PIK3R1: variants seen among roughly 807,000 people sequenced by gnomAD.
PIK3R1 encodes phosphatidylinositol 3-kinase regulatory subunit alpha.
PIK3R1 carries 29 observed loss-of-function variants against 98.0 expected under a neutral mutation model. That is an observed-to-expected ratio of 0.30 (90% confidence interval 0.22 to 0.40). The LOEUF is 0.40. Among genes scored for constraint, PIK3R1 ranks in the 10% least tolerant of loss-of-function variants. The pLI is 1.00. For synonymous variants in PIK3R1, 282 were observed against 311.8 expected (o/e 0.90, Z 1.01); for missense variants, 596 against 872.7 (o/e 0.68, Z 3.99).
intron 2 of PIK3R1, among the ~76,000 whole-genome samples, chr5:68,231,053 A>C (rs1580178372): frequency 6.6e-6 from 1 of 152,160 alleles, no homozygotes; most frequent in African/African-American, 2.4e-5. Context: ...TCTCTTGTAC[A>C]CAACGAAATG....
intron 2 of PIK3R1, among the ~76,000 whole-genome samples, chr5:68,256,519 C>G (rs755233308): frequency 6.6e-6 from 1 of 152,118 alleles, no homozygotes; most frequent in Non-Finnish European, 1.5e-5. Context: ...TGTGAGCCAC[C>G]GCACCCAGCA....
chr5:68,299,873 C>T lies in PIK3R1; in HGVS notation c.*2272C>T. On this transcript the variant is annotated 3_prime_UTR_variant, in exon 16 of 16. Transcript: ENST00000521381. Reference sequence around the variant, plus strand: ...TTGACTCTACTGATCTGACCATTTCCCTCTCATCGCCAGACAACTGACGAT... The same window carrying T: ...TTGACTCTACTGATCTGACCATTTCTCTCTCATCGCCAGACAACTGACGAT... The T allele has an allele frequency of 4.3e-6, 1 of 233,156 alleles. No individual in the cohort carries two copies. Among genetic ancestry groups the T allele is most frequent in the Non-Finnish European group, 8.5e-6 (1 of 118,004 alleles). 14.4% of individuals were successfully genotyped at this position (233,156 alleles called of 1,614,324 possible).
Position 68,293,473 on chromosome 5 carries a change from A to G in PIK3R1, c.1289A>G (p.Lys430Arg), listed in dbSNP as rs188617536. 16 of 1,606,460 alleles carry G rather than the reference A, an allele frequency of 1.0e-5. No homozygotes were observed. Among genetic ancestry groups the G allele is most frequent in the African/African-American group, 8.0e-5 (6 of 74,800 alleles). Residue 430 changes from lysine to arginine, a missense_variant, in exon 10 of 16, where the codon AAA becomes AGA. Lys to Arg is a conservative substitution (Grantham distance 26). Transcript: ENST00000521381. Reference sequence around the variant, plus strand: ...GTGAAATTACTTTATCCAGTATCCAAATACCAACAGGTAATAAAAACTGAA... The same window carrying G: ...GTGAAATTACTTTATCCAGTATCCAGATACCAACAGGTAATAAAAACTGAA... ...LDVKLLYPVS[K>R]YQQDQVVKED...
At chr5:68,263,240 GAA>G (rs34893631) in intron 2 of PIK3R1, among the ~76,000 whole-genome samples, 12,737 of 131,218 alleles carry the variant, frequency 0.097, 913 homozygotes, top group South Asian at 0.16. Context: ...TATATATGTA[GAA>G]ATATATATAT....
In PIK3R1 at chr5:68,299,010, G is replaced by A. The variant is rs538072200; in HGVS notation, c.*1409G>A. On this transcript the variant is annotated 3_prime_UTR_variant, in exon 16 of 16. Coordinates refer to ENST00000521381, the MANE Select transcript of PIK3R1 (RefSeq NM_181523.3). ...TTCTACTTCAGTCTTCTCTCACTTT[G>A]ATTTGCTAGTTGTTATCAATTAATG... 25 of 233,402 alleles carry A rather than the reference G, an allele frequency of 1.1e-4. No homozygotes were observed. Among genetic ancestry groups the A allele is most frequent in the Non-Finnish European group, 2.0e-4 (23 of 117,940 alleles). The allele number at this position is 233,402 out of a possible 1,614,324, so 14.5% of individuals were successfully genotyped here. A position where few individuals can be genotyped will look rare whatever the true frequency, so the allele number is the denominator to read the frequency against.
rs7722222 is a variant in PIK3R1, at chr5:68,299,957, T to C, written c.*2356T>C. Reference sequence around the variant, plus strand: ...GTTATTGTGATATCCTTCTAGATCATACACAAGTCTAACAGTTAATTAGTT... The same window carrying C: ...GTTATTGTGATATCCTTCTAGATCACACACAAGTCTAACAGTTAATTAGTT... On this transcript the variant is annotated 3_prime_UTR_variant, in exon 16 of 16. Coordinates refer to ENST00000521381, the MANE Select transcript of PIK3R1 (RefSeq NM_181523.3). 8,120 of 233,210 alleles carry C rather than the reference T, an allele frequency of 0.035. 626 individuals carry two copies. The highest frequency in any genetic ancestry group is 0.16 in the African/African-American group (7,435 of 45,436). The allele number at this position is 233,210 out of a possible 1,614,324, so 14.4% of individuals were successfully genotyped here.
intron 2 of PIK3R1, among the ~76,000 whole-genome samples, chr5:68,232,629 A>C (rs1357894891): frequency 3.3e-5 from 5 of 152,246 alleles, no homozygotes; most frequent in African/African-American, 4.8e-5. Context: ...TGAGGAGAAG[A>C]AGCTTTCTGC....
rs185966595 is a variant in PIK3R1, at chr5:68,265,793, T to C, written c.335-7597T>C. Among the ~76,000 whole-genome samples, 7 of 152,242 alleles carry C rather than the reference T, an allele frequency of 4.6e-5. No individual in the cohort carries two copies. In the East Asian group the frequency reaches 1.2e-3, roughly 25 times the overall value. The stretch of plus-strand genomic sequence containing the variant: ...CAGATAAATATGTAAATAAAGCAAA[T>C]ATGAAAATGTTAATCGTAGAATCTA... On this transcript the variant is annotated intron_variant, in intron 2 of 15. Coordinates refer to ENST00000521381, the MANE Select transcript of PIK3R1 (RefSeq NM_181523.3).
At position 68,263,185 on chromosome 5, in the gene PIK3R1, A is replaced by G. The variant is rs538096800; in HGVS notation, c.335-10205A>G. Among the ~76,000 whole-genome samples, 33 of 139,424 alleles carry G rather than the reference A, an allele frequency of 2.4e-4. 1 individual carries two copies. The highest frequency in any genetic ancestry group is 8.2e-4 in the African/African-American group (30 of 36,570). 91.5% of individuals were successfully genotyped at this position (139,424 alleles called of 152,430 possible). The stretch of plus-strand genomic sequence containing the variant: ...TATCTACATATATATCTATATATAC[A>G]TATATCTACATATATATCTATATAT... On this transcript the variant is annotated intron_variant, in intron 2 of 15. Transcript: ENST00000521381.
intron 1 of PIK3R1, among the ~76,000 whole-genome samples, chr5:68,224,166 G>T (rs1744197177): frequency 6.6e-6 from 1 of 152,194 alleles, no homozygotes; most frequent in Non-Finnish European, 1.5e-5. Context: ...AGCATTTAGG[G>T]ATATGTAAAT....
In PIK3R1 at chr5:68,257,225, T is replaced by C. The variant is rs138395062; in HGVS notation, c.335-16165T>C. Among the ~76,000 whole-genome samples, 1,158 of 152,316 alleles carry C rather than the reference T, an allele frequency of 7.6e-3. 9 individuals carry two copies. The highest frequency in any genetic ancestry group is 0.02 in the South Asian group (97 of 4,824). On this transcript the variant is annotated intron_variant, in intron 2 of 15. Transcript: ENST00000521381. Reference sequence around the variant, plus strand: ...GAACAGGTGGCTGATAGCTGCTCCATCCAGAGGAAGAGCCATGAAGTTCCC... The same window carrying C: ...GAACAGGTGGCTGATAGCTGCTCCACCCAGAGGAAGAGCCATGAAGTTCCC...
intron 11 of PIK3R1, 105 bp from the exon 12 acceptor site, chr5:68,294,431 A>G: frequency 1.4e-6 from 1 of 691,600 alleles, no homozygotes; most frequent in Non-Finnish European, 2.2e-6. Context: ...TATGAATTTG[A>G]GTCCCACTCT....
At chr5:68,296,397 T>C in intron 15 of PIK3R1, 56 bp downstream of exon 15, 2 of 1,485,774 alleles carry the variant, frequency 1.3e-6, no homozygotes, top group Non-Finnish European at 1.8e-6. Context: ...ATGTTTCATT[T>C]ATTCATTCAT....
rs1173828869 is a variant in PIK3R1 at position 68,294,595 on chromosome 5, A to G, written c.1485A>G (p.Glu495=). Residue 495 remains glutamate (E), a synonymous_variant, in exon 12 of 16, where the codon GAA becomes GAG. Transcript: ENST00000521381. Reference sequence around the variant, plus strand: ...TTAATGAAACCATAAAAATATTTGAAGAACAGTGCCAGACCCAAGAGCGGT... The same window carrying G: ...TTAATGAAACCATAAAAATATTTGAGGAACAGTGCCAGACCCAAGAGCGGT... ...EAFNETIKIF[E]EQCQTQERYS... The G allele has an allele frequency of 6.2e-7, 1 of 1,612,316 alleles. No homozygotes were observed.
intron 7 of PIK3R1, among the ~76,000 whole-genome samples, chr5:68,284,605 G>A (rs897706971): frequency 3.9e-5 from 6 of 152,170 alleles, no homozygotes; most frequent in South Asian, 2.1e-4. Flanking sequence ...AAGTTAAGTC[G>A]ACCCATTCAG....
intron 2 of PIK3R1, among the ~76,000 whole-genome samples, chr5:68,258,306 A>G (rs575988728): frequency 1.7e-4 from 26 of 152,354 alleles, no homozygotes; most frequent in African/African-American, 6.3e-4. Flanking sequence ...GAATGGATTC[A>G]TTAAACTGCA....
At chr5:68,264,909 T>A (rs910173979) in intron 2 of PIK3R1, among the ~76,000 whole-genome samples, 5 of 152,212 alleles carry the variant, frequency 3.3e-5, no homozygotes, top group African/African-American at 1.2e-4. Context: ...AAATTTGATA[T>A]GATAGCTAGA....
chr5:68,293,578 C>T, intron 10 of PIK3R1, 95 bp downstream of exon 10: 1 of 1,223,006 alleles, frequency 8.2e-7, no homozygotes, highest in Non-Finnish European at 1.1e-6. Flanking sequence ...TACATGTAAT[C>T]AAGTCTAAAA....
intron 2 of PIK3R1, among the ~76,000 whole-genome samples, chr5:68,247,197 T>C (rs964895996): frequency 6.6e-6 from 1 of 152,194 alleles, no homozygotes; most frequent in African/African-American, 2.4e-5. Flanking sequence ...GTTTTTTGAG[T>C]AGAGGAGGTA....
Sources: allele counts gnomAD v4.1 joint callset (sites outside exome capture counted in the v4.1 genomes callset), GRCh38; gene constraint gnomAD v4.1.1; transcripts MANE v1.5; gene names NCBI Gene and HGNC (gene_info 2026-07-23, HGNC 2026-07-21).